The following SAMD12 variants were observed in gnomAD, a reference collection of about 807,000 sequenced individuals.
SAMD12 encodes the protein sterile alpha motif domain containing 12, also known as sterile alpha motif domain-containing protein 12.
In SAMD12, 9 loss-of-function variants were observed where a neutral mutation model predicts 15.0. That is an observed-to-expected ratio of 0.60 (90% CI 0.36 to 1.05). The LOEUF (loss-of-function observed/expected upper bound fraction) is 1.05. Ranked by LOEUF, SAMD12 falls within the 50% of genes least tolerant of loss-of-function variation. The probability of loss-of-function intolerance (pLI) is 0.01; values close to 1 mark genes in which losing one functional copy is unlikely to be tolerated. For missense variants in SAMD12, 230 were observed against 234.2 expected, an observed-to-expected ratio of 0.98 and a Z score of 0.12; for synonymous variants, 86 against 90.1, an observed-to-expected ratio of 0.96 and a Z score of 0.25.
intron 4 of SAMD12, among the ~76,000 whole-genome samples, chr8:118,285,532 C>T (rs1223805052): frequency 6.6e-6 from 1 of 152,192 alleles, no homozygotes; most frequent in South Asian, 2.1e-4. Flanking sequence ...TTTCCCACCC[C>T]ACTGCCATCC....
chr8:118,459,391 C>G (rs60695012), intron 2 of SAMD12, among the ~76,000 whole-genome samples: 1 of 119,832 alleles, frequency 8.3e-6, no homozygotes, highest in Non-Finnish European at 1.9e-5. Context: ...TAATCTATCA[C>G]ATTAACTTTG....
chr8:118,337,997 G>A (rs1163804059), intron 4 of SAMD12, among the ~76,000 whole-genome samples: 3 of 152,174 alleles, frequency 2.0e-5, no homozygotes, highest in Non-Finnish European at 4.4e-5. Context: ...ACTTCCACCA[G>A]GGGTCTTGGA....
At chr8:118,447,301 C>CTTTTTTTTTTTTT (rs200509368) in intron 2 of SAMD12, among the ~76,000 whole-genome samples, 2 of 146,212 alleles carry the variant, frequency 1.4e-5, no homozygotes, top group Admixed American at 6.9e-5. Context: ...CAGTTGAAAT[C>CTTTTTTTTTTTTT]TTTTTTTTTT....
chr8:118,556,948 T>C lies in SAMD12; in HGVS notation c.192+23767A>G, dbSNP rs1322217364. Among the ~76,000 whole-genome samples, 17 of 149,670 alleles carry C rather than the reference T, an allele frequency of 1.1e-4. No individual in the cohort carries two copies. The Admixed American group carries it at 1.1e-3, about 10-fold the overall frequency. On this transcript the variant is annotated intron_variant, in intron 2 of 3. Transcript: ENST00000314727. ...CACCACACTCCAGCCCAGGCGACAG[T>C]GCGAGACTCCATCTCAAAAAAAAAA...
At position 118,384,803 on chromosome 8, in the gene SAMD12, C is replaced by T. The variant is rs144343780; in HGVS notation, c.323-5103G>A. On this transcript the variant is annotated intron_variant, in intron 3 of 3. Coordinates refer to ENST00000314727, the MANE Select transcript of SAMD12 (RefSeq NM_207506.3). Reference sequence around the variant, plus strand: ...GCTCTTATTCCTTCAAGACTCTCCTCGAACCCCAAAGCTCTGAGTTGTCTG... The same window carrying T: ...GCTCTTATTCCTTCAAGACTCTCCTTGAACCCCAAAGCTCTGAGTTGTCTG... Among the ~76,000 whole-genome samples the T allele has an allele frequency of 2.4e-3, 367 of 152,306 alleles. 2 individuals carry two copies. The highest frequency in any genetic ancestry group is 8.3e-3 in the African/African-American group (347 of 41,562).
chr8:118,423,469 T>C (rs547813143), intron 3 of SAMD12, among the ~76,000 whole-genome samples: 1 of 152,300 alleles, frequency 6.6e-6, no homozygotes, highest in Non-Finnish European at 1.5e-5. Flanking sequence ...TTAACGTTTA[T>C]CTTGAGAGGC....
At chr8:118,383,119 A>T (rs112040290) in intron 3 of SAMD12, among the ~76,000 whole-genome samples, 3,889 of 152,286 alleles carry the variant, frequency 0.026, 83 homozygotes, top group Non-Finnish European at 0.033. Flanking sequence ...ATTATTTTAT[A>T]ATTTATGTTA....
At chr8:118,461,206 G>A (rs572467898) in intron 2 of SAMD12, among the ~76,000 whole-genome samples, 1 of 152,314 alleles carries the variant, frequency 6.6e-6, no homozygotes, top group South Asian at 2.1e-4. Flanking sequence ...AGAACCCTGA[G>A]TATTTTGTGG....
At chr8:118,484,785 G>GA (rs1166682426) in intron 2 of SAMD12, among the ~76,000 whole-genome samples, 1 of 151,720 alleles carries the variant, frequency 6.6e-6, no homozygotes, top group African/African-American at 2.4e-5. Context: ...AAGATGGCCA[G>GA]AAAAAAAACA....
intron 4 of SAMD12, among the ~76,000 whole-genome samples, chr8:118,319,593 C>A (rs1433691547): frequency 6.6e-6 from 1 of 152,062 alleles, no homozygotes; most frequent in Non-Finnish European, 1.5e-5. Flanking sequence ...ATGCTCCAAC[C>A]CTTATACTTA....
intron 2 of SAMD12, among the ~76,000 whole-genome samples, chr8:118,472,398 A>G (rs537025459): frequency 1.1e-4 from 16 of 152,258 alleles, no homozygotes; most frequent in African/African-American, 3.6e-4. Context: ...TTCAATAAGT[A>G]TAAAGAGGCT....
At chr8:118,509,587 G>A (rs1273845975) in intron 2 of SAMD12, among the ~76,000 whole-genome samples, 2 of 151,964 alleles carry the variant, frequency 1.3e-5, no homozygotes, top group Non-Finnish European at 2.9e-5. Context: ...CTAAAATCCT[G>A]GACACTACTT....
At chr8:118,221,830 G>C (rs111914122) in intron 4 of SAMD12, among the ~76,000 whole-genome samples, 150 of 152,324 alleles carry the variant, frequency 9.8e-4, no homozygotes, top group African/African-American at 3.5e-3. Flanking sequence ...TTTTACATTC[G>C]TTGGGGTGAT....
intron 2 of SAMD12, among the ~76,000 whole-genome samples, chr8:118,440,287 C>T (rs10955883): frequency 0.52 from 78,437 of 151,986 alleles, 20,728 homozygotes; most frequent in Admixed American, 0.61. Context: ...AAAGGGGAGA[C>T]ACAGCTGGCC....
intron 1 of SAMD12, among the ~76,000 whole-genome samples, chr8:118,594,165 G>T (rs535261935): frequency 2.0e-5 from 3 of 151,710 alleles, no homozygotes; most frequent in Non-Finnish European, 4.4e-5. Flanking sequence ...CTAAAATAGT[G>T]GCTCCCAAAT....
intron 3 of SAMD12, among the ~76,000 whole-genome samples, chr8:118,406,031 G>A (rs1193734769): frequency 1.3e-5 from 2 of 152,098 alleles, no homozygotes; most frequent in Non-Finnish European, 2.9e-5. Flanking sequence ...ATGACAACAG[G>A]AGGCTGAGAA....
intron 3 of SAMD12, among the ~76,000 whole-genome samples, chr8:118,409,371 C>T (rs1821289669): frequency 6.7e-6 from 1 of 149,012 alleles, no homozygotes; most frequent in Non-Finnish European, 1.5e-5. Context: ...TGAGTACCTA[C>T]TTGTGTCATT....
the SAMD12 span, among the ~76,000 whole-genome samples, chr8:118,151,566 C>T: frequency 2.0e-5 from 3 of 152,094 alleles, no homozygotes; most frequent in East Asian, 1.9e-4. Flanking sequence ...TGGTGGCTCA[C>T]GCCTGTAATC....
At chr8:118,248,014 G>A (rs1044556042) in intron 4 of SAMD12, among the ~76,000 whole-genome samples, 2 of 152,024 alleles carry the variant, frequency 1.3e-5, no homozygotes, top group Admixed American at 1.3e-4. Flanking sequence ...CATACAACAG[G>A]GATAAAGAAA....
Sources: allele counts gnomAD v4.1 joint callset (sites outside exome capture counted in the v4.1 genomes callset), GRCh38; gene constraint gnomAD v4.1.1; transcripts MANE v1.5; gene names NCBI Gene and HGNC (gene_info 2026-07-23, HGNC 2026-07-21).